Variants in SEMA3A observed in about 807,000 individuals in gnomAD.
The protein encoded by SEMA3A is semaphorin 3A.
SEMA3A carries 29 observed loss-of-function variants against 97.9 expected under a neutral mutation model. The ratio of observed to expected loss-of-function variants is 0.30; its 90% CI spans 0.22 to 0.40. The LOEUF is 0.40. Among genes scored for constraint, SEMA3A ranks in the 10% least tolerant of loss-of-function variants. The probability of loss-of-function intolerance (pLI) is 1.00; values close to 1 mark genes in which losing one functional copy is unlikely to be tolerated. For missense variants in SEMA3A, 763 were observed against 951.3 expected (o/e 0.80, Z 2.60); for synonymous variants, 321 against 323.7 (o/e 0.99, Z 0.09).
chr7:84,138,236 A>G (rs1796203456), intron 1 of SEMA3A, among the ~76,000 whole-genome samples: 1 of 151,912 alleles, frequency 6.6e-6, no homozygotes, highest in African/African-American at 2.4e-5. Context: ...TTTTTTTTTA[A>G]CCTATCTTAC....
chr7:83,981,199 G>T, intron 14 of SEMA3A, 122 bp downstream of exon 14: 1 of 1,054,976 alleles, frequency 9.5e-7, no homozygotes, highest in Non-Finnish European at 1.4e-6. Flanking sequence ...CCCTCCATCT[G>T]CTCCCAAATC....
intron 1 of SEMA3A, among the ~76,000 whole-genome samples, chr7:84,438,783 A>T (rs1805200597): frequency 6.6e-6 from 1 of 152,056 alleles, no homozygotes; most frequent in Non-Finnish European, 1.5e-5. Flanking sequence ...AAATGACTTG[A>T]ATTTTGAGGT....
intron 3 of SEMA3A, among the ~76,000 whole-genome samples, chr7:84,299,368 CTA>C (rs375424685): frequency 0.57 from 76,140 of 132,546 alleles, 21,541 homozygotes; most frequent in East Asian, 0.71. Context: ...CTCTCTCCCT[CTA>C]TATATATATA....
chr7:84,409,854 TTTTA>T (rs1804211065), intron 1 of SEMA3A, among the ~76,000 whole-genome samples: 1 of 152,094 alleles, frequency 6.6e-6, no homozygotes, highest in Admixed American at 6.6e-5. Context: ...TATGTACAAA[TTTTA>T]TTTATTAGAT....
chr7:84,277,754 G>A (rs1253070921), intron 3 of SEMA3A, among the ~76,000 whole-genome samples: 1 of 152,102 alleles, frequency 6.6e-6, no homozygotes, highest in African/African-American at 2.4e-5. Flanking sequence ...TCCTAGGCCT[G>A]GCTCACAAAA....
chr7:84,369,788 A>G (rs920047722), intron 2 of SEMA3A, among the ~76,000 whole-genome samples: 4 of 149,556 alleles, frequency 2.7e-5, no homozygotes, highest in Admixed American at 1.3e-4. Flanking sequence ...AATAAAAATA[A>G]CATCACATTG....
upstream of SEMA3A, among the ~76,000 whole-genome samples, chr7:84,196,223 T>G (rs1798226922): frequency 6.7e-6 from 1 of 149,908 alleles, no homozygotes; most frequent in Admixed American, 6.7e-5. Context: ...AGTCTCACAA[T>G]TAAAAACATA....
In SEMA3A at chr7:84,355,023, G is replaced by A. The variant is rs543876998; in HGVS notation, c.-169+16801C>T. 3.8e-4 allele frequency among the ~76,000 whole-genome samples: 57 copies of A among 151,842 alleles called. 1 individual carries two copies. In the Middle Eastern group the frequency reaches 0.01, roughly 27 times the overall value. On this transcript the variant is annotated intron_variant, in intron 2 of 3. Coordinates refer to the SEMA3A transcript ENST00000424555. Reference sequence around the variant, plus strand: ...TCTGCATACCAGACCTTCATGACTAGATGAGAACACAGATTATTTCCAGTT... The same window carrying A: ...TCTGCATACCAGACCTTCATGACTAAATGAGAACACAGATTATTTCCAGTT...
At chr7:84,245,840 G>T (rs976171369) in intron 3 of SEMA3A, among the ~76,000 whole-genome samples, 15 of 152,242 alleles carry the variant, frequency 9.9e-5, no homozygotes, top group Admixed American at 4.6e-4. Flanking sequence ...GTCAGGGACC[G>T]ACTTGAGGAG....
rs1299012306 is a variant in SEMA3A, at chr7:83,956,782, C to T, written c.*4589G>A. 1 of 152,076 alleles carries T rather than the reference C, an allele frequency of 6.6e-6. No homozygotes were observed. The highest frequency in any genetic ancestry group is 1.5e-5 in the Non-Finnish European group (1 of 68,016). The allele number at this position is 152,076 out of a possible 1,614,324, so 9.4% of individuals were successfully genotyped here. ...AAAAGGACTTTTTTTCACACCTCTC[C>T]TCCTTTCTCCTTATTTCTTCTACTC... On this transcript the variant is annotated 3_prime_UTR_variant, in exon 17 of 17. Transcript: ENST00000265362.
At chr7:84,057,043 G>T (rs1793014662) in intron 5 of SEMA3A, among the ~76,000 whole-genome samples, 1 of 152,090 alleles carries the variant, frequency 6.6e-6, no homozygotes, top group Non-Finnish European at 1.5e-5. Context: ...TTTTTCAATT[G>T]TATCTAATTA....
chr7:84,234,943 C>T (rs1799198440), intron 3 of SEMA3A, among the ~76,000 whole-genome samples: 2 of 151,986 alleles, frequency 1.3e-5, no homozygotes, highest in South Asian at 4.1e-4. Flanking sequence ...TAACTAATAT[C>T]AGTTAATATC....
At chr7:84,031,724 T>C (rs1791765019) in intron 6 of SEMA3A, among the ~76,000 whole-genome samples, 1 of 151,980 alleles carries the variant, frequency 6.6e-6, no homozygotes, top group South Asian at 2.1e-4. Flanking sequence ...TAATCTCAGC[T>C]ACTCGGGAGG....
chr7:84,245,840 G>A (rs976171369), intron 3 of SEMA3A, among the ~76,000 whole-genome samples: 1 of 152,124 alleles, frequency 6.6e-6, no homozygotes, highest in Admixed American at 6.5e-5. Context: ...GTCAGGGACC[G>A]ACTTGAGGAG....
intron 3 of SEMA3A, among the ~76,000 whole-genome samples, chr7:84,272,798 T>C (rs1796161415): frequency 6.6e-6 from 1 of 152,128 alleles, no homozygotes; most frequent in African/African-American, 2.4e-5. Context: ...CAAGCAAATC[T>C]TTAGGGACTT....
chr7:83,999,785 C>CAATA (rs1790365206), intron 12 of SEMA3A, among the ~76,000 whole-genome samples: 2 of 152,142 alleles, frequency 1.3e-5, no homozygotes, highest in South Asian at 4.1e-4. Flanking sequence ...CTTAAGATAA[C>CAATA]AATATTTTAG....
At chr7:84,100,206 C>T (rs1000749257) in intron 4 of SEMA3A, among the ~76,000 whole-genome samples, 3 of 152,084 alleles carry the variant, frequency 2.0e-5, no homozygotes, top group African/African-American at 4.8e-5. Context: ...CTTATTTACA[C>T]TCATCACTTT....
intron 2 of SEMA3A, among the ~76,000 whole-genome samples, chr7:84,350,809 C>A (rs1802419655): frequency 6.6e-6 from 1 of 152,066 alleles, no homozygotes; most frequent in Admixed American, 6.6e-5. Flanking sequence ...TTGTATTTCT[C>A]AATTGTCTTT....
intron 2 of SEMA3A, among the ~76,000 whole-genome samples, chr7:84,329,973 T>A (rs1584243913): frequency 6.6e-6 from 1 of 152,030 alleles, no homozygotes; most frequent in East Asian, 1.9e-4. Context: ...ACTATTTGAT[T>A]AATTCAATAA....
Sources: allele counts gnomAD v4.1 joint callset (sites outside exome capture counted in the v4.1 genomes callset), GRCh38; gene constraint gnomAD v4.1.1; transcripts MANE v1.5; gene names NCBI Gene and HGNC (gene_info 2026-07-23, HGNC 2026-07-21).